Variants in SRFBP1 observed in about 807,000 individuals in gnomAD.
SRFBP1 encodes serum response factor-binding protein 1.
A neutral mutation model predicts 45.5 loss-of-function variants in SRFBP1; 47 were observed. The observed-to-expected ratio is 1.03, with a 90% CI of 0.82 to 1.32. SRFBP1 has a LOEUF of 1.32. SRFBP1 is among the 40% of genes most tolerant of loss of function. SRFBP1 has a pLI of 0.00. For missense variants in SRFBP1, 621 were observed against 484.6 expected (o/e 1.28, Z -2.64); for synonymous variants, 203 against 166.3 (o/e 1.22, Z -1.70).
chr5:121,979,428 A>G (rs1379818861), intron 3 of SRFBP1, among the ~76,000 whole-genome samples: 1 of 152,194 alleles, frequency 6.6e-6, no homozygotes, highest in Non-Finnish European at 1.5e-5. Flanking sequence ...TCCGTAGGGT[A>G]AAAGATACCT....
chr5:122,009,660 A>G (rs1230250832), intron 4 of SRFBP1, among the ~76,000 whole-genome samples: 1 of 152,172 alleles, frequency 6.6e-6, no homozygotes, highest in East Asian at 1.9e-4. Context: ...TGTCCTGTGT[A>G]TGTGTAGCTC....
At chr5:122,006,996 T>A (rs2060183297) in intron 4 of SRFBP1, among the ~76,000 whole-genome samples, 1 of 152,090 alleles carries the variant, frequency 6.6e-6, no homozygotes, top group Non-Finnish European at 1.5e-5. Flanking sequence ...TTATGTTGAT[T>A]TTTGCATATT....
intron 2 of SRFBP1, among the ~76,000 whole-genome samples, chr5:122,046,595 A>T (rs1014040518): frequency 2.0e-5 from 3 of 152,176 alleles, no homozygotes; most frequent in African/African-American, 7.2e-5. Context: ...TGGTATTTCT[A>T]GTTCTAGATC....
intron 6 of SRFBP1, 85 bp downstream of exon 6, chr5:122,020,887 T>A: frequency 8.0e-7 from 1 of 1,253,618 alleles, no homozygotes; most frequent in Non-Finnish European, 1.1e-6. Flanking sequence ...ATGAAGAGAC[T>A]ATAATTCTAG....
intron 1 of SRFBP1, 48 bp from the exon 2 acceptor site, chr5:121,974,147 GT>G (rs771494502): frequency 2.0e-5 from 26 of 1,311,688 alleles, no homozygotes; most frequent in Non-Finnish European, 2.7e-5. Context: ...AAGTGTGTTT[GT>G]TCCTGAAGTA....
chr5:122,024,572 AG>A, intron 7 of SRFBP1, among the ~76,000 whole-genome samples: 2 of 152,314 alleles, frequency 1.3e-5, no homozygotes, highest in Middle Eastern at 6.8e-3. Flanking sequence ...TTTATGGTCC[AG>A]GCCTTTTACT....
downstream of SRFBP1, chr5:122,077,631 G>T (rs1336143561): frequency 1.9e-5 from 30 of 1,610,652 alleles, no homozygotes; most frequent in Non-Finnish European, 2.5e-5. This position sits in a 1 kb window ranked among gnomAD's most constrained non-coding sequence, Gnocchi z 4.9. Flanking sequence ...CGGGCGGTGG[G>T]CCTGGGGCGG....
At chr5:122,077,709 G>A (rs779823740), downstream of SRFBP1, 46 of 1,591,620 alleles carry the variant, frequency 2.9e-5, no homozygotes, top group Non-Finnish European at 3.9e-5. The surrounding 1 kb of genome is among the most constrained non-coding windows in gnomAD (Gnocchi z 4.9). Flanking sequence ...TCGCGGATCA[G>A]CAGGATCGGA....
At chr5:122,050,860 T>A (rs1489764689) in intron 2 of SRFBP1, among the ~76,000 whole-genome samples, 2 of 152,132 alleles carry the variant, frequency 1.3e-5, no homozygotes, top group Non-Finnish European at 2.9e-5. Flanking sequence ...TAATTTGAGA[T>A]CTTTCTTACT....
At chr5:121,981,376 T>C (rs1752404139) in intron 3 of SRFBP1, among the ~76,000 whole-genome samples, 1 of 151,962 alleles carries the variant, frequency 6.6e-6, no homozygotes, top group African/African-American at 2.4e-5. Context: ...CACATTCAAA[T>C]CATAATAGAC....
In SRFBP1 at chr5:121,975,484, G is replaced by A. The variant is rs79854048; in HGVS notation, c.198+97G>A. The A allele has an allele frequency of 2.5e-3, 3,328 of 1,311,060 alleles. 122 individuals carry two copies. In the East Asian group the frequency reaches 0.071, roughly 28 times the overall value. The allele number at this position is 1,311,060 out of a possible 1,614,324, so 81.2% of individuals were successfully genotyped here. Reference sequence around the variant, plus strand: ...TGGTATTGCTTATTTGAATATTCCCGAGAGTTGCGTAAGACATCTTGTATC... The same window carrying A: ...TGGTATTGCTTATTTGAATATTCCCAAGAGTTGCGTAAGACATCTTGTATC... On this transcript the variant is annotated intron_variant, in intron 3 of 7. Coordinates refer to ENST00000339397, the MANE Select transcript of SRFBP1 (RefSeq NM_152546.3).
chr5:121,980,687 C>A (rs1752390597), intron 3 of SRFBP1, among the ~76,000 whole-genome samples: 1 of 152,036 alleles, frequency 6.6e-6, no homozygotes, highest in South Asian at 2.1e-4. Flanking sequence ...TCGCAGAGAT[C>A]CTGGATTTGG....
At chr5:122,077,342 T>C, downstream of SRFBP1, 1 of 1,613,542 alleles carries the variant, frequency 6.2e-7, no homozygotes, top group Non-Finnish European at 8.5e-7. The surrounding 1 kb of genome is among the most constrained non-coding windows in gnomAD (Gnocchi z 4.9). Context: ...CCAGCGGACT[T>C]GGGGGTACTT....
intron 1 of SRFBP1, among the ~76,000 whole-genome samples, chr5:121,970,104 G>A (rs1168143164): frequency 6.6e-6 from 1 of 152,020 alleles, no homozygotes; most frequent in Non-Finnish European, 1.5e-5. Context: ...ATTCCTGGGT[G>A]ACAAATAAAT....
chr5:121,976,170 A>G (rs2112820157), intron 3 of SRFBP1, among the ~76,000 whole-genome samples: 1 of 152,194 alleles, frequency 6.6e-6, no homozygotes, highest in South Asian at 2.1e-4. Context: ...AAAGATTCTC[A>G]GCCTTTCTTC....
intron 2 of SRFBP1, among the ~76,000 whole-genome samples, chr5:122,069,610 C>T (rs1279005628): frequency 6.6e-6 from 1 of 152,050 alleles, no homozygotes; most frequent in Non-Finnish European, 1.5e-5. Context: ...TTTGTACAGA[C>T]CAGAGGGGGC....
chr5:121,980,968 G>A (rs996277407), intron 3 of SRFBP1, among the ~76,000 whole-genome samples: 6 of 152,246 alleles, frequency 3.9e-5, no homozygotes, highest in African/African-American at 1.2e-4. Context: ...GCTGATTGCA[G>A]TTGGCCTTAG....
rs1002567816 is a variant in SRFBP1, at chr5:122,051,024, G to A, written n.312-24291G>A. 7.2e-5 allele frequency among the ~76,000 whole-genome samples: 11 copies of A among 152,260 alleles called. No individual in the cohort carries two copies. The East Asian group carries it at 1.9e-3, about 27-fold the overall frequency. ...TCATTGTTTCCCCAAACATTATTCA[G>A]GAGCAGGTTATTTATTTCTAGGTAA... On this transcript the variant is annotated intron_variant and non_coding_transcript_variant, in intron 2 of 2. Transcript: ENST00000504881.
intron 2 of SRFBP1, among the ~76,000 whole-genome samples, chr5:122,035,154 T>C (rs529131157): frequency 1.3e-5 from 2 of 152,148 alleles, no homozygotes; most frequent in Admixed American, 1.3e-4. Context: ...GGCTTAAGTT[T>C]TTGTTGTTGT....
Sources: gnomAD v4.1 joint callset for allele counts (sites outside exome capture counted in the v4.1 genomes callset) on GRCh38, gnomAD v4.1.1 for gene constraint, Gnocchi (gnomAD v3.1) non-coding constraint, MANE v1.5 for transcripts, NCBI Gene and HGNC (gene_info 2026-07-23, HGNC 2026-07-21) for gene names.